Variants in INF2 observed in about 807,000 individuals in gnomAD.
INF2 encodes inverted formin 2.
A neutral mutation model predicts 123.5 loss-of-function variants in INF2; 43 were observed. The observed-to-expected ratio is 0.35, with a 90% confidence interval of 0.27 to 0.45. The LOEUF (loss-of-function observed/expected upper bound fraction) is 0.45, where lower values mean the gene tolerates loss of function less well. INF2 is among the 20% of genes least tolerant of loss of function. The pLI, the probability that INF2 is intolerant of heterozygous loss-of-function variation, is 1.00. For synonymous variants in INF2, 851 were observed against 745.0 expected (o/e 1.14, Z -2.32); for missense variants, 1,453 against 1,682.7 (o/e 0.86, Z 2.39).
At chr14:104,691,533 C>T (rs1888952549) in intron 1 of INF2, among the ~76,000 whole-genome samples, 3 of 152,172 alleles carry the variant, frequency 2.0e-5, no homozygotes, top group African/African-American at 7.2e-5. Context: ...TGGTTCATGG[C>T]CCAGTGGACA....
intron 1 of INF2, among the ~76,000 whole-genome samples, chr14:104,692,433 GT>G (rs1211585273): frequency 6.6e-6 from 1 of 152,222 alleles, no homozygotes; most frequent in African/African-American, 2.4e-5. Context: ...GGGGGTCAGG[GT>G]GCAAATGGGC....
At chr14:104,697,213 G>A (rs1889233082) in intron 1 of INF2, among the ~76,000 whole-genome samples, 2 of 152,228 alleles carry the variant, frequency 1.3e-5, no homozygotes, top group South Asian at 4.1e-4. Context: ...CTGGCCGAGG[G>A]CATAGGAGCT....
In INF2 at chr14:104,713,140, C is replaced by T. The variant is rs997713163; in HGVS notation, c.2776-67C>T. ...CGCTGCTGCGGCTCAGGGAGGGGGA[C>T]GCCCAGGCCCATGGAGCCCCTGAGG... On this transcript the variant is annotated intron_variant, in intron 18 of 22. Transcript: ENST00000392634. 3.6e-5 allele frequency: 58 copies of T among 1,594,854 alleles called. 1 individual carries two copies. The Middle Eastern group carries it at 1.4e-3, about 37-fold the overall frequency.
At chr14:104,715,447 G>A in intron 22 of INF2, 107 bp downstream of exon 22, 1 of 1,072,248 alleles carries the variant, frequency 9.3e-7, no homozygotes, top group South Asian at 1.2e-5. Context: ...CTTCTCTCCA[G>A]CCCGCGTGGT....
rs934152632 is a variant in INF2, at chr14:104,717,299, C to CA, written c.*2-1496_*2-1495insA. 4.1e-5 allele frequency among the ~76,000 whole-genome samples: 6 copies of CA among 144,610 alleles called. No homozygotes were observed. The South Asian group carries it at 8.6e-4, about 21-fold the overall frequency. 94.9% of individuals were successfully genotyped at this position (144,610 alleles called of 152,430 possible). On this transcript the variant is annotated intron_variant, in intron 22 of 22. Transcript: ENST00000392634. ...GGTGCGCTGCCGTCCTCCCAGTCCC[C>CA]CCCCCGGGCAGGGCGCGCTGCCGTC...
At chr14:104,705,142 C>G (rs760656929) in intron 5 of INF2, among the ~76,000 whole-genome samples, 1 of 152,160 alleles carries the variant, frequency 6.6e-6, no homozygotes. Flanking sequence ...AGGGGCCAGG[C>G]GCGGTGGCTC....
At position 104,715,341 on chromosome 14, in the gene INF2, G is replaced by C. The variant is rs758452999; in HGVS notation, c.*1+1G>C. 8.9e-5 allele frequency: 144 copies of C among 1,613,140 alleles called. No individual in the cohort carries two copies. Among genetic ancestry groups the C allele is most frequent in the Non-Finnish European group, 1.1e-4 (133 of 1,179,702 alleles). ...AAGAAACTGTGTGTGATCCAGTAAG[G>C]TATGTACGCAGCCGGCGCTCCGTGG... On this transcript the variant is annotated splice_donor_variant, in intron 22 of 22. Transcript: ENST00000392634. LOFTEE classifies it low-confidence loss of function (3UTR_SPLICE).
At chr14:104,683,031 G>A (rs957491229) in intron 1 of INF2, among the ~76,000 whole-genome samples, 3 of 139,932 alleles carry the variant, frequency 2.1e-5, no homozygotes, top group Non-Finnish European at 4.6e-5. Context: ...GAGCTCAAGC[G>A]GTCCACCCTC....
rs373383463 is a variant in INF2, at chr14:104,703,423, C to T, written c.636C>T (p.Arg212=). The T allele has an allele frequency of 1.8e-5, 29 of 1,612,674 alleles. No individual in the cohort carries two copies. The Middle Eastern group carries it at 8.3e-4, about 46-fold the overall frequency. ...NAVILGPEDL[R]ARTQLRNEFI... is the part of the protein sequence containing the mutation. Reference sequence around the variant, plus strand: ...TCATCTTGGGCCCCGAGGACCTGCGCGCGCGCACCCAGCTGCGGAACGAGT... The same window carrying T: ...TCATCTTGGGCCCCGAGGACCTGCGTGCGCGCACCCAGCTGCGGAACGAGT... The change falls in exon 4 of 23, where the codon CGC becomes CGT. Residue 212 remains arginine, a synonymous_variant. Coordinates refer to ENST00000392634, the MANE Select transcript of INF2 (RefSeq NM_022489.4).
chr14:104,713,617 C>T lies in INF2; in HGVS notation c.3040+11C>T, dbSNP rs374390500. The T allele has an allele frequency of 3.9e-5, 63 of 1,610,828 alleles. No individual in the cohort carries two copies. In the Middle Eastern group the frequency reaches 9.9e-4, roughly 25 times the overall value. Reference sequence around the variant, plus strand: ...GAGCCACAGAGCCTGGTAAGACCCTCTCCCACTGCCTCCTCATGGTCCCCT... The same window carrying T: ...GAGCCACAGAGCCTGGTAAGACCCTTTCCCACTGCCTCCTCATGGTCCCCT... On this transcript the variant is annotated intron_variant, in intron 20 of 22. Coordinates refer to ENST00000392634, the MANE Select transcript of INF2 (RefSeq NM_022489.4).
chr14:104,692,417 C>T (rs1253321431), intron 1 of INF2, among the ~76,000 whole-genome samples: 2 of 152,168 alleles, frequency 1.3e-5, no homozygotes, highest in Non-Finnish European at 2.9e-5. Context: ...GTGCAGGGCA[C>T]TTACTGGGGG....
intron 6 of INF2, 29 bp from the exon 7 acceptor site, chr14:104,706,881 T>C (rs749473294): frequency 1.9e-6 from 3 of 1,599,676 alleles, no homozygotes; most frequent in Admixed American, 3.4e-5. Flanking sequence ...GGCCGGCTGC[T>C]GACCTGCACC....
Position 104,707,834 on chromosome 14 carries a change from C to T in INF2, c.1567C>T (p.Pro523Ser), listed in dbSNP as rs1337611997. The change falls in exon 8 of 23, where the codon CCC becomes TCC. Residue 523 changes from proline (P) to serine (S), a missense_variant. Physicochemically the swap from Pro to Ser is moderately conservative, Grantham distance 74. Coordinates refer to ENST00000392634, the MANE Select transcript of INF2 (RefSeq NM_022489.4). ...GPPPPPPPLL[P>S]CTCSPPVAGG... ...TCCTCCACCCCCACCTCCACTACTG[C>T]CCTGCACCTGCAGCCCCCCCGTGGC... 2.5e-6 allele frequency: 4 copies of T among 1,594,222 alleles called. No homozygotes were observed. In the Admixed American group the frequency reaches 5.1e-5, roughly 20 times the overall value.
Position 104,713,263 on chromosome 14 carries a change from G to C in INF2, c.2832G>C (p.Leu944=). The change falls in exon 19 of 23, where the codon CTG becomes CTC. Residue 944 remains leucine, a synonymous_variant. Coordinates refer to ENST00000392634, the MANE Select transcript of INF2 (RefSeq NM_022489.4). ...AGGCAGAGAGGAGGAAGCAGCAGCTGGCGGAGGAGGAGGCGCGGCGGCCTC... is the reference window on the plus strand; with the variant it reads ...AGGCAGAGAGGAGGAAGCAGCAGCTCGCGGAGGAGGAGGCGCGGCGGCCTC... ...AAKAERRKQQ[L]AEEEARRPRG... 1 of 1,551,470 alleles carries C rather than the reference G, an allele frequency of 6.4e-7. No homozygotes were observed. Among genetic ancestry groups the C allele is most frequent in the Non-Finnish European group, 8.7e-7 (1 of 1,148,118 alleles).
chr14:104,715,941 T>C, intron 22 of INF2: 1 of 455,782 alleles, frequency 2.2e-6, no homozygotes, highest in South Asian at 1.5e-5. Context: ...AGGCCATGGG[T>C]GGGTCTATGG....
At chr14:104,683,184 G>A (rs1218691933) in intron 1 of INF2, among the ~76,000 whole-genome samples, 2 of 151,978 alleles carry the variant, frequency 1.3e-5, no homozygotes, top group East Asian at 1.9e-4. Context: ...TGGCTGCAAT[G>A]GGGGAGGGGA....
Position 104,689,715 on chromosome 14 carries a change from C to A in INF2, c.-34C>A, listed in dbSNP as rs1010992138. On this transcript the variant is annotated 5_prime_UTR_variant, in exon 1 of 23. Transcript: ENST00000392634. ...CCGGACGGAGCGCCGGCCGCACCACCGCCCTCTGGCCGTTGCCTCACCGGG... is the reference window on the plus strand; with the variant it reads ...CCGGACGGAGCGCCGGCCGCACCACAGCCCTCTGGCCGTTGCCTCACCGGG... 1.0e-5 allele frequency: 10 copies of A among 985,016 alleles called. No individual in the cohort carries two copies. The highest frequency in any genetic ancestry group is 1.1e-5 in the Non-Finnish European group (9 of 829,870). 61.0% of individuals were successfully genotyped at this position (985,016 alleles called of 1,614,324 possible).
At position 104,703,896 on chromosome 14, in the gene INF2, C is replaced by T. The variant is rs1458975758; in HGVS notation, c.668-20C>T. 4.3e-6 allele frequency: 7 copies of T among 1,611,024 alleles called. No individual in the cohort carries two copies. In the South Asian group the frequency reaches 5.5e-5, roughly 13 times the overall value. On this transcript the variant is annotated intron_variant, in intron 4 of 22. Coordinates refer to ENST00000392634, the MANE Select transcript of INF2 (RefSeq NM_022489.4). The stretch of plus-strand genomic sequence containing the variant: ...GGGGAGTGGCCTCCGAACCCTCTGA[C>T]CCTGTCCGTCCCTTCCCAGGGCTGC...
At chr14:104,711,600 T>C in intron 15 of INF2, 29 bp from the exon 16 acceptor site, 1 of 1,603,606 alleles carries the variant, frequency 6.2e-7, no homozygotes, top group Non-Finnish European at 8.5e-7. Context: ...ATGACCACAG[T>C]GGATCTCACT....
Sources: gnomAD v4.1 joint callset for allele counts (sites outside exome capture counted in the v4.1 genomes callset) on GRCh38, gnomAD v4.1.1 for gene constraint, MANE v1.5 for transcripts, NCBI Gene and HGNC (gene_info 2026-07-23, HGNC 2026-07-21) for gene names.